Variants in DEPDC5 observed in about 807,000 individuals in gnomAD.
DEPDC5 encodes the protein DEP domain containing 5, GATOR1 subcomplex subunit, also known as GATOR1 complex protein DEPDC5.
DEPDC5 carries 73 observed loss-of-function variants against 217.3 expected under a neutral mutation model. The observed-to-expected ratio is 0.34, with a 90% CI of 0.28 to 0.41. DEPDC5 has a LOEUF of 0.41. Among genes scored for constraint, DEPDC5 ranks in the 10% least tolerant of loss-of-function variants. DEPDC5 has a pLI of 1.00. For missense variants in DEPDC5, 1,675 were observed against 2,070.1 expected (o/e 0.81, Z 3.70); for synonymous variants, 733 against 756.7 (o/e 0.97, Z 0.51).
At chr22:31,775,885 T>TA (rs1203190063) in intron 7 of DEPDC5, among the ~76,000 whole-genome samples, 4 of 151,102 alleles carry the variant, frequency 2.6e-5, no homozygotes, top group African/African-American at 7.3e-5. Flanking sequence ...ACTAAAAATA[T>TA]AAAAAATTAG....
chr22:31,834,085 G>A lies in DEPDC5; in HGVS notation c.2170+105G>A, dbSNP rs1569050511. On this transcript the variant is annotated intron_variant, in intron 25 of 42. Coordinates refer to ENST00000651528, the MANE Select transcript of DEPDC5 (RefSeq NM_001242896.3). ...CCTGTGGGAAGTGAGTGGTCCTGAG[G>A]TACACATACCTCTGGGGTATGGGAA... 3.6e-6 allele frequency: 4 copies of A among 1,117,260 alleles called. No individual in the cohort carries two copies. The East Asian group carries it at 7.1e-5, about 20-fold the overall frequency. The allele number at this position is 1,117,260 out of a possible 1,614,324, so 69.2% of individuals were successfully genotyped here.
intron 32 of DEPDC5, chr22:31,857,766 C>T (rs551569438): frequency 7.4e-5 from 33 of 443,274 alleles, no homozygotes; most frequent in African/African-American, 5.3e-4. Context: ...TAGTTAAATC[C>T]GGATATAAAA....
At chr22:31,898,156 C>T (rs896175965) in intron 40 of DEPDC5, among the ~76,000 whole-genome samples, 1 of 152,108 alleles carries the variant, frequency 6.6e-6, no homozygotes, top group African/African-American at 2.4e-5. Context: ...GCGTGTGACT[C>T]GAGTCATGCA....
intron 23 of DEPDC5, among the ~76,000 whole-genome samples, chr22:31,822,113 T>C (rs1367850640): frequency 6.6e-6 from 1 of 152,240 alleles, no homozygotes; most frequent in Non-Finnish European, 1.5e-5. Context: ...TAGAAACAAC[T>C]CTTTTTGAAC....
intron 24 of DEPDC5, among the ~76,000 whole-genome samples, chr22:31,828,959 C>T (rs1163378107): frequency 6.6e-6 from 1 of 152,200 alleles, no homozygotes; most frequent in Non-Finnish European, 1.5e-5. Context: ...CATGTGATCT[C>T]TGCTAAATGA....
intron 38 of DEPDC5, among the ~76,000 whole-genome samples, chr22:31,888,198 C>A (rs1484371246): frequency 2.0e-5 from 3 of 151,380 alleles, no homozygotes; most frequent in Non-Finnish European, 4.4e-5. Context: ...AGCTCTTAGG[C>A]CCACTCACAT....
In DEPDC5 at chr22:31,778,185, G is replaced by A; in HGVS notation, c.483+17G>A. ...GATACCAGGGTAAGATTTATAAAAT[G>A]CTTTTTTGGTTTTATCTCTCCATAC... On this transcript the variant is annotated intron_variant, in intron 8 of 42. Coordinates refer to ENST00000651528, the MANE Select transcript of DEPDC5 (RefSeq NM_001242896.3). 1 of 1,613,220 alleles carries A rather than the reference G, an allele frequency of 6.2e-7. No homozygotes were observed. Among genetic ancestry groups the A allele is most frequent in the African/African-American group, 1.3e-5 (1 of 75,046 alleles).
intron 4 of DEPDC5, among the ~76,000 whole-genome samples, chr22:31,762,656 G>A (rs2082492445): frequency 6.6e-6 from 1 of 152,142 alleles, no homozygotes; most frequent in African/African-American, 2.4e-5. Context: ...TCAGCTACTC[G>A]GGAAGCTGAG....
At chr22:31,775,250 G>A (rs1329410040) in intron 7 of DEPDC5, among the ~76,000 whole-genome samples, 1 of 151,794 alleles carries the variant, frequency 6.6e-6, no homozygotes, top group African/African-American at 2.4e-5. Flanking sequence ...TGCGATCTGA[G>A]CTCATTGCAA....
chr22:31,804,064 C>T (rs1321878764), intron 15 of DEPDC5, 98 bp from the exon 16 acceptor site: 1 of 1,147,806 alleles, frequency 8.7e-7, no homozygotes, highest in Admixed American at 1.9e-5. Context: ...GGTAAGTTAG[C>T]TTTGCCTACT....
intron 4 of DEPDC5, among the ~76,000 whole-genome samples, chr22:31,762,776 TAAATA>T (rs1764902647): frequency 6.6e-6 from 1 of 151,748 alleles, no homozygotes; most frequent in South Asian, 2.1e-4. Flanking sequence ...AATAAATAAA[TAAATA>T]AAATAAAGGG....
chr22:31,850,049 G>A (rs2091946375), intron 31 of DEPDC5, among the ~76,000 whole-genome samples: 1 of 152,038 alleles, frequency 6.6e-6, no homozygotes, highest in African/African-American at 2.4e-5. Context: ...AACTCAGGAG[G>A]CGGAGGTTGC....
intron 8 of DEPDC5, among the ~76,000 whole-genome samples, chr22:31,781,745 A>G (rs1463803406): frequency 6.6e-6 from 1 of 152,166 alleles, no homozygotes; most frequent in Non-Finnish European, 1.5e-5. Flanking sequence ...AATATTAAAT[A>G]AGATGGAGCT....
At chr22:31,844,186 A>G (rs1326690577) in intron 29 of DEPDC5, among the ~76,000 whole-genome samples, 1 of 152,148 alleles carries the variant, frequency 6.6e-6, no homozygotes. Flanking sequence ...AGATCAAGCC[A>G]TTGCACTCCA....
intron 37 of DEPDC5, among the ~76,000 whole-genome samples, chr22:31,878,559 A>T (rs1828177848): frequency 6.6e-6 from 1 of 151,702 alleles, no homozygotes; most frequent in African/African-American, 2.4e-5. Context: ...AAAAAAAAAA[A>T]AAAATTGGCT....
intron 7 of DEPDC5, among the ~76,000 whole-genome samples, chr22:31,775,393 T>A (rs2083737302): frequency 6.6e-6 from 1 of 151,958 alleles, no homozygotes; most frequent in South Asian, 2.1e-4. Context: ...TTGGCCAGGC[T>A]GGTGTCAAAC....
At chr22:31,842,223 A>T (rs2091437012) in intron 27 of DEPDC5, among the ~76,000 whole-genome samples, 1 of 152,204 alleles carries the variant, frequency 6.6e-6, no homozygotes, top group African/African-American at 2.4e-5. Context: ...GTAGCATTTG[A>T]TGGTGACTTC....
intron 38 of DEPDC5, among the ~76,000 whole-genome samples, chr22:31,888,769 C>T (rs1225995428): frequency 1.3e-5 from 2 of 152,170 alleles, no homozygotes; most frequent in East Asian, 3.9e-4. Flanking sequence ...TGGTCTTGAA[C>T]TCCTGGGCTC....
chr22:31,879,577 C>G lies in DEPDC5; in HGVS notation c.3858C>G (p.Phe1286Leu). ...TTWHTAGVDDFASFQRKWFEV... is the reference protein window; with the variant it reads ...TTWHTAGVDDLASFQRKWFEV... ...GGCACACAGCAGGAGTGGACGACTT[C>G]GCCAGCTTCCAGCGCAAGTGGTTTG... The change falls in exon 38 of 43, where the codon TTC becomes TTG. Residue 1286 changes from phenylalanine (F) to leucine (L), a missense_variant. Phe to Leu is a conservative substitution (Grantham distance 22). Transcript: ENST00000651528. 6.2e-7 allele frequency: 1 copy of G among 1,613,426 alleles called. No homozygotes were observed. The highest frequency in any genetic ancestry group is 8.5e-7 in the Non-Finnish European group (1 of 1,180,040).
Sources: gnomAD v4.1 joint callset for allele counts (sites outside exome capture counted in the v4.1 genomes callset) on GRCh38, gnomAD v4.1.1 for gene constraint, MANE v1.5 for transcripts, NCBI Gene and HGNC (gene_info 2026-07-23, HGNC 2026-07-21) for gene names.